The following CNOT4 variants were observed in gnomAD, a reference collection of about 807,000 sequenced individuals.
The protein encoded by CNOT4 is CCR4-associated factor 4.
Under a neutral mutation model 73.8 loss-of-function variants are expected in CNOT4, and 8 were observed. The ratio of observed to expected loss-of-function variants is 0.11; its 90% confidence interval spans 0.06 to 0.20. The LOEUF (loss-of-function observed/expected upper bound fraction) is 0.20, where lower values mean the gene tolerates loss of function less well. Ranked by LOEUF, CNOT4 falls within the 10% of genes least tolerant of loss-of-function variation. The pLI, the probability that CNOT4 is intolerant of heterozygous loss-of-function variation, is 1.00. For missense variants in CNOT4, 564 were observed against 883.4 expected (o/e 0.64, Z 4.58); for synonymous variants, 293 against 321.1 (o/e 0.91, Z 0.94).
chr7:135,431,463 G>T (rs1798834804), intron 2 of CNOT4, among the ~76,000 whole-genome samples: 2 of 152,144 alleles, frequency 1.3e-5, no homozygotes, highest in Admixed American at 1.3e-4. Context: ...ACAATATCGG[G>T]CTGGGTGCGG....
rs1210328824 is a variant in CNOT4, at chr7:135,444,402, A to C, written c.-92-5979T>G. Reference sequence around the variant, plus strand: ...AATGGAGGCATACACAAAATGTGGTATATCCATACCATGGAATATTAGAAT... The same window carrying C: ...AATGGAGGCATACACAAAATGTGGTCTATCCATACCATGGAATATTAGAAT... On this transcript the variant is annotated intron_variant, in intron 1 of 11. Coordinates refer to ENST00000541284, the MANE Select transcript of CNOT4 (RefSeq NM_001190850.2). 11 of 718,244 alleles carry C rather than the reference A, an allele frequency of 1.5e-5. No individual in the cohort carries two copies. In the African/African-American group the frequency reaches 1.9e-4, roughly 12 times the overall value. The allele number at this position is 718,244 out of a possible 1,614,324, so 44.5% of individuals were successfully genotyped here. A position where few individuals can be genotyped will look rare whatever the true frequency, so the allele number is the denominator to read the frequency against.
intron 1 of CNOT4, among the ~76,000 whole-genome samples, chr7:135,451,191 T>A (rs995316518): frequency 6.6e-6 from 1 of 152,192 alleles, no homozygotes; most frequent in Non-Finnish European, 1.5e-5. Flanking sequence ...TTACTGTGTA[T>A]CAGTAAAATT....
chr7:135,365,856 G>A (rs1794886700), intron 10 of CNOT4, among the ~76,000 whole-genome samples: 1 of 152,088 alleles, frequency 6.6e-6, no homozygotes, highest in Admixed American at 6.6e-5. Flanking sequence ...TTTCCCCCTG[G>A]CTCCCTAACT....
intron 1 of CNOT4, among the ~76,000 whole-genome samples, chr7:135,442,912 A>C (rs1335555471): frequency 6.6e-6 from 1 of 151,924 alleles, no homozygotes; most frequent in African/African-American, 2.4e-5. Flanking sequence ...TTTTAAAATT[A>C]GCCAAGTATG....
intron 7 of CNOT4, among the ~76,000 whole-genome samples, chr7:135,407,637 T>C (rs1797365753): frequency 6.6e-6 from 1 of 152,126 alleles, no homozygotes; most frequent in Admixed American, 6.5e-5. Context: ...AGAAAATCTT[T>C]CCCGAAAGGC....
chr7:135,491,548 T>C (rs1252644940), intron 1 of CNOT4, among the ~76,000 whole-genome samples: 1 of 152,186 alleles, frequency 6.6e-6, no homozygotes, highest in Non-Finnish European at 1.5e-5. Context: ...ATAATGTCAT[T>C]TGTTGGAAGA....
chr7:135,470,139 G>T (rs182580247), intron 1 of CNOT4, among the ~76,000 whole-genome samples: 30 of 149,878 alleles, frequency 2.0e-4, no homozygotes, highest in East Asian at 2.0e-3. Context: ...GTTTTTTTGG[G>T]GGGGGAGGCC....
chr7:135,464,752 A>C (rs1025385956), intron 1 of CNOT4, among the ~76,000 whole-genome samples: 1 of 151,838 alleles, frequency 6.6e-6, no homozygotes, highest in Admixed American at 6.6e-5. Flanking sequence ...TTTTAAAATA[A>C]AATTTAAAAA....
At chr7:135,415,454 A>G in intron 3 of CNOT4, among the ~76,000 whole-genome samples, 192 bp from the exon 4 acceptor site, 2 of 151,960 alleles carry the variant, frequency 1.3e-5, no homozygotes, top group East Asian at 3.9e-4. Flanking sequence ...TTTAAAAGCT[A>G]TTTTTTTTCT....
chr7:135,472,613 G>C (rs1452010538), intron 1 of CNOT4, among the ~76,000 whole-genome samples: 2 of 122,086 alleles, frequency 1.6e-5, no homozygotes, highest in African/African-American at 6.3e-5. Context: ...TAACCCTTTC[G>C]AATTGTCCCT....
intron 1 of CNOT4, among the ~76,000 whole-genome samples, chr7:135,494,018 G>A (rs1803285528): frequency 6.7e-6 from 1 of 149,276 alleles, no homozygotes; most frequent in Non-Finnish European, 1.5e-5. Flanking sequence ...CCTTTCCTCA[G>A]CTATTAAACA....
Position 135,494,677 on chromosome 7 carries a change from A to G in CNOT4, c.-93+15212T>C, listed in dbSNP as rs568247003. On this transcript the variant is annotated intron_variant, in intron 1 of 11. Coordinates refer to ENST00000541284, the MANE Select transcript of CNOT4 (RefSeq NM_001190850.2). Reference sequence around the variant, plus strand: ...GAAAGAGATCAACAACAAACAGTATATATATTAATTATATGATATGTCAGA... The same window carrying G: ...GAAAGAGATCAACAACAAACAGTATGTATATTAATTATATGATATGTCAGA... Among the ~76,000 whole-genome samples the G allele has an allele frequency of 2.0e-5, 3 of 152,188 alleles. No homozygotes were observed. In the East Asian group the frequency reaches 5.8e-4, roughly 29 times the overall value.
chr7:135,402,705 T>C (rs1797065610), intron 7 of CNOT4, among the ~76,000 whole-genome samples: 1 of 152,158 alleles, frequency 6.6e-6, no homozygotes, highest in Admixed American at 6.5e-5. Context: ...CAAATTTAAT[T>C]ACTTTGTTTT....
At chr7:135,493,101 C>A (rs550088315) in intron 1 of CNOT4, among the ~76,000 whole-genome samples, 3 of 152,294 alleles carry the variant, frequency 2.0e-5, no homozygotes, top group East Asian at 3.9e-4. Flanking sequence ...CATCTCCAGG[C>A]TCTTGGTTCC....
chr7:135,438,115 A>T (rs527682540), intron 2 of CNOT4, 43 bp downstream of exon 2: 264 of 1,131,518 alleles, frequency 2.3e-4, no homozygotes, highest in Non-Finnish European at 3.6e-5. Flanking sequence ...AAAAAACTAT[A>T]CAATTAAAAC....
chr7:135,363,022 C>G lies in CNOT4; in HGVS notation c.2005G>C (p.Ala669Pro). ...GGAGGAGGGTAGGGATTCCAACTGGCTCTGTGCAGCGGGATCTGTGTGCTG... is the reference window on the plus strand; with the variant it reads ...GGAGGAGGGTAGGGATTCCAACTGGGTCTGTGCAGCGGGATCTGTGTGCTG... ...PFSTQIPLHR[A>P]SWNPYPPPSN... The change falls in exon 12 of 12, where the codon GCC (alanine) becomes CCC (proline). Residue 669 changes from alanine (A) to proline (P), a missense_variant. Around this residue, in one of 10 missense-constraint regions of CNOT4, gnomAD observed 88 missense variants for 94.7 expected, o/e 0.93. Transcript: ENST00000541284. This position sits in a 1 kb window ranked among gnomAD's most constrained non-coding sequence, Gnocchi z 4.3. 6.2e-7 allele frequency: 1 copy of G among 1,613,268 alleles called. No individual in the cohort carries two copies. The highest frequency in any genetic ancestry group is 8.5e-7 in the Non-Finnish European group (1 of 1,179,826).
At chr7:135,384,289 CTTT>C (rs950354107) in intron 10 of CNOT4, 25 of 156,056 alleles carry the variant, frequency 1.6e-4, no homozygotes, top group South Asian at 7.5e-4. Context: ...CTCTCTCTCT[CTTT>C]TTTTTTTTTT....
chr7:135,415,374 A>G, intron 3 of CNOT4, 112 bp from the exon 4 acceptor site: 1 of 576,544 alleles, frequency 1.7e-6, no homozygotes, highest in Admixed American at 3.3e-5. Flanking sequence ...ATAATTTTTA[A>G]AGTTTTCTAA....
At chr7:135,457,252 T>C (rs1800595524) in intron 1 of CNOT4, among the ~76,000 whole-genome samples, 1 of 151,834 alleles carries the variant, frequency 6.6e-6, no homozygotes, top group Admixed American at 6.6e-5. Flanking sequence ...AAAAGGTCAG[T>C]ATTATCTAAC....
Sources: gnomAD v4.1 joint callset for allele counts (sites outside exome capture counted in the v4.1 genomes callset) on GRCh38, gnomAD v4.1.1 for gene constraint, gnomAD v4.1.1 regional missense constraint, Gnocchi (gnomAD v3.1) non-coding constraint, MANE v1.5 for transcripts, NCBI Gene and HGNC (gene_info 2026-07-23, HGNC 2026-07-21) for gene names.